Variants in CCDC141 observed in about 807,000 individuals in gnomAD.
CCDC141 encodes coiled-coil domain containing 141.
A neutral mutation model predicts 181.0 loss-of-function variants in CCDC141; 168 were observed. The ratio of observed to expected loss-of-function variants is 0.93; its 90% CI spans 0.82 to 1.05. The LOEUF is 1.05. CCDC141 is among the 50% of genes least tolerant of loss of function. CCDC141 has a pLI of 0.00. For synonymous variants in CCDC141, 666 were observed against 642.3 expected, an observed-to-expected ratio of 1.04 and a Z score of -0.56; for missense variants, 1,902 against 1,788.5, an observed-to-expected ratio of 1.06 and a Z score of -1.14.
chr2:179,018,964 A>C (rs1308403820), intron 2 of CCDC141, among the ~76,000 whole-genome samples: 3 of 152,328 alleles, frequency 2.0e-5, no homozygotes, highest in African/African-American at 7.2e-5. Context: ...AAATATTAAA[A>C]AACAAAAATA....
intron 8 of CCDC141, among the ~76,000 whole-genome samples, chr2:178,895,838 AC>A (rs1319794902): frequency 1.3e-5 from 2 of 152,240 alleles, no homozygotes; most frequent in African/African-American, 4.8e-5. Context: ...GCAGGCATAG[AC>A]AAATCTACTA....
At chr2:178,921,291 C>T (rs1251359323) in intron 6 of CCDC141, among the ~76,000 whole-genome samples, 3 of 152,254 alleles carry the variant, frequency 2.0e-5, no homozygotes, top group Non-Finnish European at 2.9e-5. Context: ...CTTTAACCTA[C>T]TGGGAATGAG....
At chr2:178,972,323 A>G (rs6747725) in intron 4 of CCDC141, among the ~76,000 whole-genome samples, 71,629 of 151,968 alleles carry the variant, frequency 0.47, 17,590 homozygotes, top group East Asian at 0.71. Flanking sequence ...CATGTCGTAC[A>G]TTGGAATTAT....
At chr2:178,820,291 C>G in the CCDC141 span, among the ~76,000 whole-genome samples, 4 of 152,012 alleles carry the variant, frequency 2.6e-5, no homozygotes, top group Non-Finnish European at 2.9e-5. Context: ...TTGGCCACAC[C>G]GGTGGAGAGT....
intron 21 of CCDC141, 99 bp from the exon 22 acceptor site, chr2:178,845,841 T>G (rs1205721065): frequency 2.7e-6 from 2 of 748,692 alleles, no homozygotes; most frequent in African/African-American, 3.5e-5. Context: ...ACTTGCAACC[T>G]TTCAGCAAAT....
At chr2:178,868,329 T>C in intron 15 of CCDC141, 124 bp from the exon 16 acceptor site, 1 of 725,050 alleles carries the variant, frequency 1.4e-6, no homozygotes, top group Non-Finnish European at 2.3e-6. Context: ...CTTTAAACTG[T>C]TGGCATTAGC....
At position 178,836,883 on chromosome 2, in the gene CCDC141, A is replaced by G. The variant is rs1469433338; in HGVS notation, c.4325+11T>C. ...GTTTCCATTTATGGCTTGTCATTATAGGCTACCCACCATGTCAGTGTAGGC... is the reference window on the plus strand; with the variant it reads ...GTTTCCATTTATGGCTTGTCATTATGGGCTACCCACCATGTCAGTGTAGGC... On this transcript the variant is annotated intron_variant, in intron 23 of 23. Transcript: ENST00000443758. 1 of 1,589,198 alleles carries G rather than the reference A, an allele frequency of 6.3e-7. No individual in the cohort carries two copies. Among genetic ancestry groups the G allele is most frequent in the East Asian group, 2.2e-5 (1 of 44,740 alleles).
At chr2:178,899,794 C>A (rs1451148342) in intron 8 of CCDC141, among the ~76,000 whole-genome samples, 1 of 152,192 alleles carries the variant, frequency 6.6e-6, no homozygotes, top group Non-Finnish European at 1.5e-5. Flanking sequence ...TCCATCTTCA[C>A]TCCAGCAGTG....
rs376518328 is a variant in CCDC141 at position 178,856,368 on chromosome 2, C to A, written c.2754G>T (p.Lys918Asn). 1.8e-5 allele frequency: 28 copies of A among 1,599,932 alleles called. No homozygotes were observed. Among genetic ancestry groups the A allele is most frequent in the African/African-American group, 6.7e-5 (5 of 74,398 alleles). ...ELKDSFKDIK[K>N]KFNNLKFNYT... Reference sequence around the variant, plus strand: ...AATTAAACTTCAAATTATTGAATTTCTTTTTGATATCTTTGAATGAGTCTT... The same window carrying A: ...AATTAAACTTCAAATTATTGAATTTATTTTTGATATCTTTGAATGAGTCTT... Residue 918 changes from lysine (K) to asparagine (N), a missense_variant, in exon 18 of 24, where the codon AAG (lysine) becomes AAT (asparagine). Transcript: ENST00000443758.
At chr2:178,882,767 T>A (rs1686689115) in intron 11 of CCDC141, among the ~76,000 whole-genome samples, 2 of 151,872 alleles carry the variant, frequency 1.3e-5, no homozygotes, top group Non-Finnish European at 2.9e-5. Context: ...GATTTTCCAC[T>A]GGAGCGTCTG....
chr2:178,891,622 T>C (rs141134971), intron 8 of CCDC141, among the ~76,000 whole-genome samples: 11 of 152,308 alleles, frequency 7.2e-5, no homozygotes, highest in African/African-American at 2.4e-4. Flanking sequence ...TAGAGGGTCA[T>C]GGTAGCTTGC....
the CCDC141 span, among the ~76,000 whole-genome samples, chr2:178,815,570 C>T: frequency 2.4e-4 from 36 of 152,130 alleles, no homozygotes; most frequent in African/African-American, 8.2e-4. Context: ...TATAGTCGTC[C>T]TTCAGTATCC....
intron 1 of CCDC141, 29 bp downstream of exon 1, chr2:179,049,811 G>T: frequency 6.5e-7 from 1 of 1,549,802 alleles, no homozygotes; most frequent in South Asian, 1.2e-5. Context: ...GCCCACAGCC[G>T]CACAGAAAAA....
At chr2:178,949,839 G>T (rs1379530746) in intron 5 of CCDC141, among the ~76,000 whole-genome samples, 1 of 152,184 alleles carries the variant, frequency 6.6e-6, no homozygotes, top group African/African-American at 2.4e-5. Context: ...GCAAGCGGTA[G>T]AAAATGCTCT....
At chr2:178,817,655 T>C in the CCDC141 span, 10 of 428,010 alleles carry the variant, frequency 2.3e-5, no homozygotes, top group African/African-American at 4.1e-5. Flanking sequence ...TAACACTTTC[T>C]AGGAACGTTA....
chr2:178,907,231 C>A (rs1688011417), intron 7 of CCDC141, among the ~76,000 whole-genome samples: 2 of 152,138 alleles, frequency 1.3e-5, no homozygotes, highest in African/African-American at 4.8e-5. Context: ...CCTTAACAGT[C>A]CTAAGAGGAA....
intron 20 of CCDC141, among the ~76,000 whole-genome samples, chr2:178,851,070 G>A (rs1388756337): frequency 6.6e-6 from 1 of 152,012 alleles, no homozygotes; most frequent in African/African-American, 2.4e-5. Context: ...ACCTGGTGTG[G>A]TGGCACATGC....
rs1690531733 is a variant in CCDC141, at chr2:178,964,324, A to C, written c.527-2841T>G. On this transcript the variant is annotated intron_variant, in intron 4 of 23. Transcript: ENST00000443758. Reference sequence around the variant, plus strand: ...TTTGGGAAGGCAACAGGGTCTCCACAGGGTTTCCTTCCTCTAACTAACTCT... The same window carrying C: ...TTTGGGAAGGCAACAGGGTCTCCACCGGGTTTCCTTCCTCTAACTAACTCT... Among the ~76,000 whole-genome samples the C allele has an allele frequency of 2.0e-5, 3 of 152,192 alleles. No individual in the cohort carries two copies. The South Asian group carries it at 6.2e-4, about 32-fold the overall frequency.
At chr2:178,868,307 T>A in intron 15 of CCDC141, 102 bp from the exon 16 acceptor site, 1 of 924,824 alleles carries the variant, frequency 1.1e-6, no homozygotes, top group Non-Finnish European at 1.6e-6. Context: ...GTCGAAATGC[T>A]GCCAAGCCCA....
Sources: allele counts gnomAD v4.1 joint callset (sites outside exome capture counted in the v4.1 genomes callset), GRCh38; gene constraint gnomAD v4.1.1; transcripts MANE v1.5; gene names NCBI Gene and HGNC (gene_info 2026-07-23, HGNC 2026-07-21).